The following ASIC2 variants were observed in gnomAD, a reference collection of about 807,000 sequenced individuals.
ASIC2 encodes acid sensing ion channel subunit 2.
ASIC2 carries 25 observed loss-of-function variants against 57.3 expected under a neutral mutation model. The observed-to-expected ratio is 0.44, with a 90% CI of 0.32 to 0.61. ASIC2 has a LOEUF of 0.61. Among genes scored for constraint, ASIC2 ranks in the 20% least tolerant of loss-of-function variants. ASIC2 has a pLI of 0.06. For missense variants in ASIC2, 641 were observed against 738.1 expected, an observed-to-expected ratio of 0.87 and a Z score of 1.52; for synonymous variants, 319 against 307.5, an observed-to-expected ratio of 1.04 and a Z score of -0.39.
chr17:33,578,875 G>A (rs1260741479), intron 1 of ASIC2, among the ~76,000 whole-genome samples: 1 of 152,198 alleles, frequency 6.6e-6, no homozygotes, highest in Non-Finnish European at 1.5e-5. Flanking sequence ...CTGAAACAGT[G>A]ACCGTGGTAA....
chr17:33,633,229 C>A (rs7221246), intron 1 of ASIC2, among the ~76,000 whole-genome samples: 3 of 152,094 alleles, frequency 2.0e-5, no homozygotes, highest in East Asian at 3.9e-4. Context: ...CTTGCCACAG[C>A]GCTCCTGACC....
intron 1 of ASIC2, among the ~76,000 whole-genome samples, chr17:33,760,495 G>T (rs968458127): frequency 5.9e-5 from 9 of 151,704 alleles, no homozygotes; most frequent in East Asian, 1.9e-4. Flanking sequence ...TCTCTCTATA[G>T]ATATGCATAT....
rs548234284 is a variant in ASIC2 at position 33,163,066 on chromosome 17, A to G, written c.709-50999T>C. Among the ~76,000 whole-genome samples, 203 of 152,224 alleles carry G rather than the reference A, an allele frequency of 1.3e-3. 3 individuals are homozygous for G. The highest frequency in any genetic ancestry group is 2.1e-3 in the Non-Finnish European group (143 of 68,022). ...GCAAGTCAGACACAGTCCTGTCCCC[A>G]GGGTGCTCATTCTGGTGGGGTGGGA... On this transcript the variant is annotated intron_variant, in intron 1 of 9. Coordinates refer to ENST00000225823, the MANE Select transcript of ASIC2 (RefSeq NM_183377.2).
intron 1 of ASIC2, among the ~76,000 whole-genome samples, chr17:34,010,764 T>C (rs1458624889): frequency 6.7e-6 from 1 of 150,144 alleles, no homozygotes; most frequent in Non-Finnish European, 1.5e-5. Context: ...GACCCATAGA[T>C]ACACACACAG....
intron 1 of ASIC2, among the ~76,000 whole-genome samples, chr17:33,405,934 G>A (rs765161095): frequency 2.6e-5 from 4 of 152,074 alleles, no homozygotes; most frequent in Non-Finnish European, 4.4e-5. Flanking sequence ...GACCCTGCCA[G>A]CCCGAGCCTG....
chr17:33,370,900 C>G (rs948062200), intron 1 of ASIC2, among the ~76,000 whole-genome samples: 1 of 152,080 alleles, frequency 6.6e-6, no homozygotes, highest in Non-Finnish European at 1.5e-5. Flanking sequence ...CAGTGCAAAG[C>G]GAAAGCAAGT....
intron 1 of ASIC2, among the ~76,000 whole-genome samples, chr17:34,010,085 G>A (rs1906659950): frequency 6.6e-6 from 1 of 152,202 alleles, no homozygotes; most frequent in South Asian, 2.1e-4. Context: ...GAGCACCAGA[G>A]TATCAGGGGA....
intron 1 of ASIC2, among the ~76,000 whole-genome samples, chr17:33,414,900 ACTTT>A (rs1461768088): frequency 6.6e-6 from 1 of 151,842 alleles, no homozygotes; most frequent in African/African-American, 2.4e-5. Flanking sequence ...TCCTTCCTCT[ACTTT>A]CTTCTAATCA....
intron 1 of ASIC2, among the ~76,000 whole-genome samples, chr17:33,703,716 G>C (rs562195057): frequency 6.6e-6 from 1 of 152,238 alleles, no homozygotes; most frequent in East Asian, 1.9e-4. Context: ...GGTACATTCA[G>C]GGGAGAGAAC....
At chr17:33,950,075 A>C (rs1904509175) in intron 1 of ASIC2, among the ~76,000 whole-genome samples, 1 of 152,318 alleles carries the variant, frequency 6.6e-6, no homozygotes, top group South Asian at 2.1e-4. Flanking sequence ...AGGCTGCCAG[A>C]GGCAGAGGGC....
intron 1 of ASIC2, among the ~76,000 whole-genome samples, chr17:33,570,488 T>C (rs754662669): frequency 1.6e-4 from 24 of 152,258 alleles, no homozygotes; most frequent in Non-Finnish European, 2.6e-4. Context: ...ACTTGTGTCA[T>C]TCTCCTGAGC....
intron 1 of ASIC2, among the ~76,000 whole-genome samples, chr17:33,214,518 A>G (rs1377665889): frequency 7.9e-5 from 12 of 152,254 alleles, no homozygotes; most frequent in Middle Eastern, 6.8e-3. Flanking sequence ...TTATCCTTCA[A>G]TTGGTGCTGG....
At chr17:33,268,546 AT>A (rs1909568393) in intron 1 of ASIC2, among the ~76,000 whole-genome samples, 1 of 152,238 alleles carries the variant, frequency 6.6e-6, no homozygotes, top group Non-Finnish European at 1.5e-5. Flanking sequence ...AATTAACTCT[AT>A]AACAATAAGA....
At chr17:33,896,770 C>A (rs1915110059) in intron 1 of ASIC2, among the ~76,000 whole-genome samples, 1 of 152,226 alleles carries the variant, frequency 6.6e-6, no homozygotes, top group Non-Finnish European at 1.5e-5. Flanking sequence ...CAGTTTACCC[C>A]ATAGATTACA....
At chr17:33,929,424 A>C (rs1915886215) in intron 1 of ASIC2, among the ~76,000 whole-genome samples, 1 of 152,206 alleles carries the variant, frequency 6.6e-6, no homozygotes. Flanking sequence ...TCATTTAGGT[A>C]ATTTTCTACA....
intron 1 of ASIC2, among the ~76,000 whole-genome samples, chr17:33,412,730 G>T (rs1256756216): frequency 6.6e-6 from 1 of 152,188 alleles, no homozygotes; most frequent in Non-Finnish European, 1.5e-5. Flanking sequence ...TCCTGCTTCT[G>T]AGAGTGTGAG....
intron 3 of ASIC2, among the ~76,000 whole-genome samples, chr17:33,074,612 T>C (rs1019988119): frequency 6.6e-6 from 1 of 152,178 alleles, no homozygotes; most frequent in Non-Finnish European, 1.5e-5. Context: ...GCAGAACACC[T>C]GAGGGCAACT....
At chr17:34,056,455 A>G (rs1428442824) in intron 1 of ASIC2, among the ~76,000 whole-genome samples, 2 of 152,224 alleles carry the variant, frequency 1.3e-5, no homozygotes, top group Non-Finnish European at 2.9e-5. Flanking sequence ...GTGCAAAGAA[A>G]GATTCTGAGA....
At chr17:33,747,810 T>C (rs1332728096) in intron 1 of ASIC2, among the ~76,000 whole-genome samples, 4 of 152,180 alleles carry the variant, frequency 2.6e-5, no homozygotes, top group Admixed American at 6.5e-5. Flanking sequence ...TGCAGGGTCC[T>C]CAGGACACTC....
Sources: gnomAD v4.1 joint callset for allele counts (sites outside exome capture counted in the v4.1 genomes callset) on GRCh38, gnomAD v4.1.1 for gene constraint, MANE v1.5 for transcripts, NCBI Gene and HGNC (gene_info 2026-07-23, HGNC 2026-07-21) for gene names.